INSL3: variants seen among roughly 807,000 people sequenced by gnomAD.
INSL3 encodes insulin-like 3.
INSL3 carries 6 observed loss-of-function variants against 5.5 expected under a neutral mutation model. The observed-to-expected ratio is 1.08, with a 90% CI of 0.59 to 2.14. The LOEUF is 2.14. INSL3 is among the 30% of genes most tolerant of loss of function. INSL3 has a pLI of 0.00. For missense variants in INSL3, 178 were observed against 184.7 expected, an observed-to-expected ratio of 0.96 and a Z score of 0.21; for synonymous variants, 86 against 82.1, an observed-to-expected ratio of 1.05 and a Z score of -0.26.
At chr19:17,821,295 G>A (rs1258922599) in intron 1 of INSL3, 22 bp downstream of exon 1, 2 of 1,543,438 alleles carry the variant, frequency 1.3e-6, no homozygotes, top group Non-Finnish European at 1.7e-6. Flanking sequence ...CCAGAGCGCT[G>A]TCCCTGCCCG....
rs562160430 is a variant in INSL3 at position 17,817,134 on chromosome 19, C to A, written c.191-75G>T. The A allele has an allele frequency of 2.4e-4, 333 of 1,372,892 alleles. 3 individuals carry two copies. In the South Asian group the frequency reaches 3.9e-3, roughly 16 times the overall value. The allele number at this position is 1,372,892 out of a possible 1,614,324, so 85.0% of individuals were successfully genotyped here. A position where few individuals can be genotyped will look rare whatever the true frequency, so the allele number is the denominator to read the frequency against. On this transcript the variant is annotated intron_variant, in intron 1 of 1. Coordinates refer to ENST00000317306, the MANE Select transcript of INSL3 (RefSeq NM_005543.4). ...TACCCCATGCTGCATGTGCACGAAT[C>A]CACACACATCCCACTGAGTAACCCA...
Position 17,817,045 on chromosome 19 carries a change from A to G in INSL3, c.205T>C (p.Trp69Arg), listed in dbSNP as rs201125714. The G allele has an allele frequency of 1.6e-4, 256 of 1,613,364 alleles. No individual in the cohort carries two copies. Among genetic ancestry groups the G allele is most frequent in the Admixed American group, 3.2e-4 (19 of 59,992 alleles). Residue 69 changes from tryptophan to arginine, a missense_variant, in exon 2 of 2, where the codon TGG becomes CGG. Coordinates refer to ENST00000317306, the MANE Select transcript of INSL3 (RefSeq NM_005543.4). ...TGGAGCAGATGTCGTCTCTCCAGCC[A>G]CTGTAGCAACTCACCTGGGGACAGA... ...ATGGDRELLQ[W>R]LERRHLLHGL...
chr19:17,816,969 AG>A lies in INSL3; in HGVS notation c.280del (p.Leu94CysfsTer33). On this transcript the variant is annotated frameshift_variant, in exon 2 of 2. Coordinates refer to ENST00000317306, the MANE Select transcript of INSL3 (RefSeq NM_005543.4). LOFTEE classifies it low-confidence loss of function (END_TRUNC). ...NLTLGPGLQP[L>X]PQTSHHHRHH... ...GCGGTGATGGTGAGAGGTCTGGGGC[AG>A]GGGCTGCAGGCCAGGTCCCAGCGTG... 1.2e-6 allele frequency: 2 copies of A among 1,614,098 alleles called. No homozygotes were observed. The highest frequency in any genetic ancestry group is 1.7e-6 in the Non-Finnish European group (2 of 1,179,994).
chr19:17,818,238 T>G (rs1383897590), intron 1 of INSL3, among the ~76,000 whole-genome samples: 1 of 152,054 alleles, frequency 6.6e-6, no homozygotes, highest in Non-Finnish European at 1.5e-5. Flanking sequence ...TGGACACGTG[T>G]TAACACATCT....
chr19:17,817,008 G>T lies in INSL3; in HGVS notation c.242C>A (p.Ala81Asp). Residue 81 changes from alanine (A) to aspartate (D), a missense_variant, in exon 2 of 2, where the codon GCC (alanine) becomes GAC (aspartate). Transcript: ENST00000317306. ...ERRHLLHGLVADSNLTLGPGL... is the reference protein window; with the variant it reads ...ERRHLLHGLVDDSNLTLGPGL... Reference sequence around the variant, plus strand: ...AGGTCCCAGCGTGAGATTACTGTCGGCCACCAGCCCATGGAGCAGATGTCG... The same window carrying T: ...AGGTCCCAGCGTGAGATTACTGTCGTCCACCAGCCCATGGAGCAGATGTCG... 1 of 1,613,834 alleles carries T rather than the reference G, an allele frequency of 6.2e-7. No homozygotes were observed.
chr19:17,821,356 A>C lies in INSL3; in HGVS notation c.151T>G (p.Trp51Gly). The C allele has an allele frequency of 6.5e-7, 1 of 1,549,060 alleles. No individual in the cohort carries two copies. The highest frequency in any genetic ancestry group is 1.2e-5 in the South Asian group (1 of 84,030). ...GCAGGCCTCCTGGCTTCGGTGGACC[A>C]GCGGGGGCCCCCGCACACGCGCACT... ...ALVRVCGGPRWSTEARRPATG... is the reference protein window; with the variant it reads ...ALVRVCGGPRGSTEARRPATG... Residue 51 changes from tryptophan to glycine, a missense_variant, in exon 1 of 2, where the codon TGG becomes GGG. Coordinates refer to ENST00000317306, the MANE Select transcript of INSL3 (RefSeq NM_005543.4).
At chr19:17,819,631 GGAGATT>G (rs887943471) in intron 1 of INSL3, among the ~76,000 whole-genome samples, 8 of 152,024 alleles carry the variant, frequency 5.3e-5, no homozygotes, top group Non-Finnish European at 7.4e-5. Context: ...CACGAGATCA[GGAGATT>G]GAGACCATCC....
At position 17,821,372 on chromosome 19, in the gene INSL3, C is replaced by A. The variant is rs924131784; in HGVS notation, c.135G>T (p.Val45=). ...CGGTGGACCAGCGGGGGCCCCCGCA[C>A]ACGCGCACTAGCGCGCGTACGAAGT... The part of the protein sequence containing the change: ...GHHFVRALVR[V]CGGPRWSTEA... Residue 45 remains valine, a synonymous_variant, in exon 1 of 2, where the codon GTG becomes GTT. Coordinates refer to ENST00000317306, the MANE Select transcript of INSL3 (RefSeq NM_005543.4). 2.6e-6 allele frequency: 4 copies of A among 1,548,668 alleles called. No homozygotes were observed. The African/African-American group carries it at 5.5e-5, about 21-fold the overall frequency.
Position 17,816,692 on chromosome 19 carries a change from G to A in INSL3, c.*162C>T. 6.0e-6 allele frequency: 4 copies of A among 668,456 alleles called. No homozygotes were observed. The highest frequency in any genetic ancestry group is 1.1e-5 in the Non-Finnish European group (4 of 377,496). 41.4% of individuals were successfully genotyped at this position (668,456 alleles called of 1,614,324 possible). On this transcript the variant is annotated 3_prime_UTR_variant, in exon 2 of 2. Coordinates refer to ENST00000317306, the MANE Select transcript of INSL3 (RefSeq NM_005543.4). ...GATTTATTCTGCAGTTGACTCCACAGGCTGCAGGTGGCATTGGTCTGGGGT... is the reference window on the plus strand; with the variant it reads ...GATTTATTCTGCAGTTGACTCCACAAGCTGCAGGTGGCATTGGTCTGGGGT...
chr19:17,818,628 A>AC (rs1403544464), intron 1 of INSL3, among the ~76,000 whole-genome samples: 1 of 151,508 alleles, frequency 6.6e-6, no homozygotes, highest in Non-Finnish European at 1.5e-5. Flanking sequence ...GAAAAAAAAA[A>AC]GGACTTATGA....
In INSL3 at chr19:17,817,033, G is replaced by A. The variant is rs398122886; in HGVS notation, c.217C>T (p.Arg73Ter). Residue 73 changes from arginine to a stop codon, truncating the protein, a stop_gained, in exon 2 of 2, where the codon CGA (arginine) becomes TGA (stop). Coordinates refer to ENST00000317306, the MANE Select transcript of INSL3 (RefSeq NM_005543.4). LOFTEE classifies it low-confidence loss of function (END_TRUNC). ...GCCACCAGCCCATGGAGCAGATGTC[G>A]TCTCTCCAGCCACTGTAGCAACTCA... is the stretch of plus-strand genomic sequence containing the variant. The part of the protein sequence containing the change: ...DRELLQWLER[R>*]HLLHGLVADS... The A allele has an allele frequency of 1.3e-5, 21 of 1,613,216 alleles. No individual in the cohort carries two copies. The highest frequency in any genetic ancestry group is 2.7e-5 in the African/African-American group (2 of 74,916).
Position 17,821,339 on chromosome 19 carries a change from C to T in INSL3, c.168G>A (p.Arg56=), listed in dbSNP as rs1219478036. 5.2e-6 allele frequency: 8 copies of T among 1,548,666 alleles called. No individual in the cohort carries two copies. The Admixed American group carries it at 1.2e-4, about 23-fold the overall frequency. The stretch of plus-strand genomic sequence containing the variant: ...CACGGTCGCCTCCGGTCGCAGGCCT[C>T]CTGGCTTCGGTGGACCAGCGGGGGC... ...CGGPRWSTEA[R]RPATGGDREL... Residue 56 remains arginine (R), a synonymous_variant, in exon 1 of 2, where the codon AGG becomes AGA. Coordinates refer to ENST00000317306, the MANE Select transcript of INSL3 (RefSeq NM_005543.4).
intron 1 of INSL3, among the ~76,000 whole-genome samples, chr19:17,818,853 C>A (rs2094191548): frequency 6.6e-6 from 1 of 151,706 alleles, no homozygotes; most frequent in Admixed American, 6.6e-5. Context: ...AGCCCCACTA[C>A]CATATACATC....
chr19:17,818,061 G>T (rs1056856606), intron 1 of INSL3, among the ~76,000 whole-genome samples: 1 of 151,996 alleles, frequency 6.6e-6, no homozygotes, highest in Non-Finnish European at 1.5e-5. Context: ...ACTCCTCGTG[G>T]TACAGAGACA....
At chr19:17,820,325 T>A (rs560742423) in intron 1 of INSL3, 1 of 355,610 alleles carries the variant, frequency 2.8e-6, no homozygotes, top group Admixed American at 4.2e-5. Context: ...TAAAGTAACA[T>A]AATTGTGAAA....
chr19:17,817,171 T>G, intron 1 of INSL3, 112 bp from the exon 2 acceptor site: 9 of 1,064,808 alleles, frequency 8.5e-6, no homozygotes, highest in Non-Finnish European at 1.3e-5. Context: ...CAAACACTCA[T>G]GCATGCAGAT....
At chr19:17,817,150 G>A in intron 1 of INSL3, 91 bp from the exon 2 acceptor site, 1 of 1,252,714 alleles carries the variant, frequency 8.0e-7, no homozygotes, top group Non-Finnish European at 1.1e-6. Context: ...ACATCCCACT[G>A]AGTAACCCAC....
At position 17,821,300 on chromosome 19, in the gene INSL3, T is replaced by C. The variant is rs2094195158; in HGVS notation, c.190+17A>G. The stretch of plus-strand genomic sequence containing the variant: ...CCTCGGCTTCCCAGAGCGCTGTCCC[T>C]GCCCGTCCCCACTCACGGTCGCCTC... On this transcript the variant is annotated intron_variant, in intron 1 of 1. Coordinates refer to ENST00000317306, the MANE Select transcript of INSL3 (RefSeq NM_005543.4). 2 of 1,544,292 alleles carry C rather than the reference T, an allele frequency of 1.3e-6. No homozygotes were observed. The highest frequency in any genetic ancestry group is 1.7e-6 in the Non-Finnish European group (2 of 1,146,538).
chr19:17,819,306 TGA>T (rs1257648117), intron 1 of INSL3, among the ~76,000 whole-genome samples: 1 of 151,762 alleles, frequency 6.6e-6, no homozygotes, highest in Admixed American at 6.6e-5. Context: ...TGTCTCAGGC[TGA>T]GTCTCATATT....
Sources: allele counts gnomAD v4.1 joint callset (sites outside exome capture counted in the v4.1 genomes callset), GRCh38; gene constraint gnomAD v4.1.1; transcripts MANE v1.5; gene names NCBI Gene and HGNC (gene_info 2026-07-23, HGNC 2026-07-21).